RGS6: variants seen among roughly 807,000 people sequenced by gnomAD.
RGS6 encodes regulator of G-protein signaling 6.
Under a neutral mutation model 78.5 loss-of-function variants are expected in RGS6, and 30 were observed. The observed-to-expected ratio is 0.38, with a 90% CI of 0.29 to 0.52. The LOEUF (loss-of-function observed/expected upper bound fraction) is 0.52, where lower values mean the gene tolerates loss of function less well. RGS6 is among the 20% of genes least tolerant of loss of function. RGS6 has a pLI of 0.85. For synonymous variants in RGS6, 206 were observed against 206.0 expected, an observed-to-expected ratio of 1.00 and a Z score of 0.00; for missense variants, 495 against 609.7, an observed-to-expected ratio of 0.81 and a Z score of 1.98.
intron 13 of RGS6, among the ~76,000 whole-genome samples, chr14:72,495,843 C>T (rs1036035937): frequency 2.0e-5 from 3 of 152,170 alleles, no homozygotes; most frequent in Non-Finnish European, 4.4e-5. Context: ...CAGCCAGTTT[C>T]TCCTTCCCTG....
rs142381738 is a variant in RGS6 at position 72,454,228 on chromosome 14, A to G, written c.185-300A>G. Among the ~76,000 whole-genome samples, 24 of 152,338 alleles carry G rather than the reference A, an allele frequency of 1.6e-4. 1 individual carries two copies. The East Asian group carries it at 4.4e-3, about 28-fold the overall frequency. On this transcript the variant is annotated intron_variant, in intron 3 of 17. Coordinates refer to ENST00000553525, the MANE Select transcript of RGS6 (RefSeq NM_001204424.2). ...TCAAGAAATGGTCTGGGGGCCAGGC[A>G]TGATAAAGCTTCACCTAGCACGTCT...
intron 2 of RGS6, among the ~76,000 whole-genome samples, chr14:71,973,557 C>A (rs574207202): frequency 1.3e-5 from 2 of 152,014 alleles, no homozygotes; most frequent in Non-Finnish European, 2.9e-5. Context: ...TGGTGGCACA[C>A]GCCTGTAATC....
chr14:72,089,638 A>G (rs1481844898), intron 2 of RGS6, among the ~76,000 whole-genome samples: 1 of 151,950 alleles, frequency 6.6e-6, no homozygotes, highest in African/African-American at 2.4e-5. Context: ...TGGTTTATGG[A>G]AAAAAAAATA....
At chr14:72,164,426 G>A (rs904241125) in intron 2 of RGS6, among the ~76,000 whole-genome samples, 1 of 152,160 alleles carries the variant, frequency 6.6e-6, no homozygotes. Flanking sequence ...CCATGAGGTC[G>A]GGCGGAGAAA....
chr14:72,200,314 C>T (rs892695980), intron 2 of RGS6, among the ~76,000 whole-genome samples: 7 of 152,220 alleles, frequency 4.6e-5, no homozygotes, highest in East Asian at 1.9e-4. Flanking sequence ...TCCACCCGTC[C>T]GCCCTGCTTT....
intron 2 of RGS6, among the ~76,000 whole-genome samples, chr14:72,179,143 G>GCC (rs1401685011): frequency 6.6e-6 from 1 of 152,166 alleles, no homozygotes; most frequent in Non-Finnish European, 1.5e-5. Flanking sequence ...AGACCAGTGA[G>GCC]CCCCCGCATT....
chr14:71,910,067 G>A, the RGS6 span, among the ~76,000 whole-genome samples: 13 of 152,264 alleles, frequency 8.5e-5, no homozygotes, highest in African/African-American at 3.1e-4. Context: ...GCACGCGCCT[G>A]GAATCCCAGC....
chr14:71,972,637 G>A (rs1045761616), intron 2 of RGS6, among the ~76,000 whole-genome samples: 17 of 152,118 alleles, frequency 1.1e-4, no homozygotes, highest in African/African-American at 3.6e-4. Context: ...ATGGGTGATC[G>A]ATGTGGAAGG....
intron 12 of RGS6, among the ~76,000 whole-genome samples, chr14:72,489,350 G>T (rs935393730): frequency 2.0e-5 from 3 of 152,196 alleles, no homozygotes; most frequent in Non-Finnish European, 4.4e-5. Flanking sequence ...CTGAGCAAAG[G>T]AGACAGGTAG....
intron 2 of RGS6, among the ~76,000 whole-genome samples, chr14:72,147,967 T>TA (rs570523996): frequency 6.6e-6 from 1 of 151,686 alleles, no homozygotes; most frequent in South Asian, 2.1e-4. Context: ...CCATCTCTAC[T>TA]AAAAATACAA....
In RGS6 at chr14:72,286,217, C is replaced by T; in HGVS notation, c.85-65878C>T. Among the ~76,000 whole-genome samples, 3 of 152,282 alleles carry T rather than the reference C, an allele frequency of 2.0e-5. 1 individual carries two copies. In the South Asian group the frequency reaches 6.2e-4, roughly 32 times the overall value. ...TATAAAGTAAGCATTCAATTTCATT[C>T]TTTTGCATATAAGTATTCATTTTTT... is the stretch of plus-strand genomic sequence containing the variant. On this transcript the variant is annotated intron_variant, in intron 2 of 17. Transcript: ENST00000553525.
the RGS6 span, among the ~76,000 whole-genome samples, chr14:71,921,575 C>T: frequency 4.1e-3 from 620 of 152,174 alleles, 6 homozygotes; most frequent in African/African-American, 0.014. Context: ...TGTGGATGAC[C>T]CTGGCAGACA....
chr14:72,598,468 G>T, the RGS6 span, among the ~76,000 whole-genome samples: 8 of 152,256 alleles, frequency 5.3e-5, no homozygotes, highest in Non-Finnish European at 1.2e-4. Context: ...CAGGGAGAGA[G>T]AAGCCAGGCA....
At chr14:72,364,572 G>T (rs2082115685) in intron 3 of RGS6, among the ~76,000 whole-genome samples, 1 of 152,110 alleles carries the variant, frequency 6.6e-6, no homozygotes, top group Admixed American at 6.5e-5. Context: ...CAACAGCTGG[G>T]GGAATAACTT....
chr14:72,228,177 G>A (rs1248740209), intron 2 of RGS6, among the ~76,000 whole-genome samples: 5 of 151,910 alleles, frequency 3.3e-5, no homozygotes, highest in Admixed American at 1.3e-4. Context: ...CCAGGAGTTC[G>A]AGATCTGCCT....
At chr14:72,606,982 A>G in the RGS6 span, among the ~76,000 whole-genome samples, 2 of 152,190 alleles carry the variant, frequency 1.3e-5, no homozygotes, top group Non-Finnish European at 2.9e-5. Flanking sequence ...TAGCCTGCAG[A>G]GCCATGAGCC....
chr14:71,906,110 G>T, the RGS6 span, among the ~76,000 whole-genome samples: 1 of 152,180 alleles, frequency 6.6e-6, no homozygotes, highest in Non-Finnish European at 1.5e-5. Flanking sequence ...GTGGAAGCTG[G>T]CCCAGCTGTC....
At chr14:72,508,289 G>C (rs2096834293) in intron 13 of RGS6, among the ~76,000 whole-genome samples, 2 of 152,206 alleles carry the variant, frequency 1.3e-5, no homozygotes, top group Non-Finnish European at 2.9e-5. Flanking sequence ...GGGTTTGGAT[G>C]CGGTATGTCT....
Position 72,271,112 on chromosome 14 carries a change from A to G in RGS6, c.85-80983A>G, listed in dbSNP as rs1222533010. On this transcript the variant is annotated intron_variant, in intron 2 of 17. Transcript: ENST00000553525. ...CAGAGGAAGGAGAGAGTGAGGAAAT[A>G]TTGTACCTCATTAATATTGTTCCTC... Among the ~76,000 whole-genome samples, 10 of 152,262 alleles carry G rather than the reference A, an allele frequency of 6.6e-5. No homozygotes were observed. In the South Asian group the frequency reaches 1.9e-3, roughly 28 times the overall value.
Sources: allele counts gnomAD v4.1 joint callset (sites outside exome capture counted in the v4.1 genomes callset), GRCh38; gene constraint gnomAD v4.1.1; transcripts MANE v1.5; gene names NCBI Gene and HGNC (gene_info 2026-07-23, HGNC 2026-07-21).